PCDH15: variants seen among roughly 807,000 people sequenced by gnomAD.
PCDH15 encodes protocadherin-15.
PCDH15 carries 129 observed loss-of-function variants against 178.5 expected under a neutral mutation model. The ratio of observed to expected loss-of-function variants is 0.72; its 90% CI spans 0.63 to 0.84. The LOEUF is 0.84. PCDH15 is among the 40% of genes least tolerant of loss of function. The pLI, the probability that PCDH15 is intolerant of heterozygous loss-of-function variation, is 0.00. For missense variants in PCDH15, 2,230 were observed against 2,099.9 expected (o/e 1.06, Z -1.21); for synonymous variants, 800 against 732.0 (o/e 1.09, Z -1.50).
intron 1 of PCDH15, among the ~76,000 whole-genome samples, chr10:55,172,075 T>C (rs779348357): frequency 2.0e-5 from 3 of 152,154 alleles, no homozygotes; most frequent in Non-Finnish European, 1.5e-5. Context: ...CTTATCTTTA[T>C]GTAAATCTAG....
chr10:54,537,066 T>C (rs1426906630), intron 2 of PCDH15, among the ~76,000 whole-genome samples: 1 of 141,374 alleles, frequency 7.1e-6, no homozygotes, highest in Non-Finnish European at 1.5e-5. Flanking sequence ...TGGTGCGATC[T>C]CAGCTCACTG....
At chr10:54,322,300 AAAG>A (rs1564962069) in intron 7 of PCDH15, among the ~76,000 whole-genome samples, 5 of 151,918 alleles carry the variant, frequency 3.3e-5, no homozygotes, top group Admixed American at 2.6e-4. Flanking sequence ...TAAAATCCAC[AAAG>A]AAGATCTCCT....
intron 2 of PCDH15, among the ~76,000 whole-genome samples, chr10:54,956,006 T>G (rs2131879316): frequency 6.6e-6 from 1 of 151,572 alleles, no homozygotes; most frequent in Admixed American, 6.6e-5. Context: ...ACTTTGAAAT[T>G]ATTTGAACTT....
intron 15 of PCDH15, among the ~76,000 whole-genome samples, chr10:54,095,246 A>G (rs1441707629): frequency 6.6e-6 from 1 of 152,134 alleles, no homozygotes; most frequent in Non-Finnish European, 1.5e-5. Context: ...GTATACATTC[A>G]TTCCTGGTAT....
chr10:55,513,740 T>C (rs557121020), intron 2 of PCDH15, among the ~76,000 whole-genome samples: 1 of 152,208 alleles, frequency 6.6e-6, no homozygotes, highest in South Asian at 2.1e-4. Flanking sequence ...GAGTATCCTT[T>C]TCATATTTGT....
rs184595632 is a variant in PCDH15, at chr10:55,258,866, G to C, written c.-156+60733C>G. On this transcript the variant is annotated intron_variant, in intron 1 of 5. Transcript: ENST00000458638. ...TACCTTCTTCAACTGTAACCGCAGG[G>C]CCTCTCAAAAAGTATCAAAAAACTG... Among the ~76,000 whole-genome samples the C allele has an allele frequency of 3.8e-4, 58 of 150,884 alleles. No individual in the cohort carries two copies. The Middle Eastern group carries it at 0.01, about 27-fold the overall frequency.
At chr10:54,817,193 T>C (rs1043323216) in intron 3 of PCDH15, among the ~76,000 whole-genome samples, 1 of 152,028 alleles carries the variant, frequency 6.6e-6, no homozygotes, top group Non-Finnish European at 1.5e-5. Context: ...TCTTAGAATG[T>C]ATTGTCATAC....
At chr10:54,158,824 T>C (rs1053387423) in intron 13 of PCDH15, among the ~76,000 whole-genome samples, 6 of 152,176 alleles carry the variant, frequency 3.9e-5, no homozygotes, top group Non-Finnish European at 8.8e-5. Flanking sequence ...AAGTGAATTA[T>C]GGGCCGGAAG....
chr10:53,902,534 T>A (rs959796128), intron 26 of PCDH15, among the ~76,000 whole-genome samples: 1 of 152,162 alleles, frequency 6.6e-6, no homozygotes, highest in Admixed American at 6.6e-5. Context: ...GCATCTAAAC[T>A]TTTTCCTCAG....
At chr10:53,837,933 C>G (rs889079801) in intron 29 of PCDH15, among the ~76,000 whole-genome samples, 1 of 150,538 alleles carries the variant, frequency 6.6e-6, no homozygotes, top group Non-Finnish European at 1.5e-5. Flanking sequence ...GCTATTCTAT[C>G]TTTTCTTCAA....
intron 21 of PCDH15, among the ~76,000 whole-genome samples, chr10:53,970,971 CAG>C (rs1682106653): frequency 6.6e-6 from 1 of 152,058 alleles, no homozygotes; most frequent in South Asian, 2.1e-4. Flanking sequence ...CTAAAGCTGG[CAG>C]AGACACAACA....
At chr10:54,419,189 A>G (rs116526913) in intron 3 of PCDH15, among the ~76,000 whole-genome samples, 2,883 of 151,924 alleles carry the variant, frequency 0.019, 98 homozygotes, top group African/African-American at 0.066. Context: ...TCCTCTGTCA[A>G]AACAATTTAA....
At chr10:53,969,582 G>GA (rs1454192699) in intron 21 of PCDH15, among the ~76,000 whole-genome samples, 3 of 152,136 alleles carry the variant, frequency 2.0e-5, no homozygotes, top group Non-Finnish European at 4.4e-5. Context: ...TGAAATGAAG[G>GA]AAAAAATATT....
chr10:54,224,268 C>T (rs184127557), intron 9 of PCDH15, among the ~76,000 whole-genome samples: 1 of 152,224 alleles, frequency 6.6e-6, no homozygotes, highest in East Asian at 1.9e-4. Context: ...ACAATTATAA[C>T]ATGTAACTTA....
chr10:55,346,188 T>A (rs1844748676), intron 2 of PCDH15, among the ~76,000 whole-genome samples: 1 of 152,102 alleles, frequency 6.6e-6, no homozygotes. Context: ...AGGTAACAAA[T>A]AGTCTTGATC....
chr10:55,401,616 G>GTGTGTGTA (rs1235744402), intron 2 of PCDH15, among the ~76,000 whole-genome samples: 1 of 151,174 alleles, frequency 6.6e-6, no homozygotes, highest in Non-Finnish European at 1.5e-5. Flanking sequence ...GTGTGTGTGT[G>GTGTGTGTA]TGTGTGTGTG....
chr10:55,562,546 G>C (rs1332252616), intron 2 of PCDH15, among the ~76,000 whole-genome samples: 5 of 151,844 alleles, frequency 3.3e-5, no homozygotes, highest in Admixed American at 1.3e-4. Context: ...GAAATGTGTC[G>C]TACATCTATA....
rs56104592 is a variant in PCDH15 at position 55,328,913 on chromosome 10, CATATATATATATATATAT to C, written c.-155-162280_-155-162263del. Among the ~76,000 whole-genome samples the C allele has an allele frequency of 8.9e-4, 99 of 111,332 alleles. 2 individuals carry two copies. The East Asian group carries it at 0.015, about 17-fold the overall frequency. The allele number at this position is 111,332 out of a possible 152,430, so 73.0% of individuals were successfully genotyped here. A position where few individuals can be genotyped will look rare whatever the true frequency, so the allele number is the denominator to read the frequency against. ...AGATGACTGTATATTTTCACACAAACATATATATATATATATATATATATATATATATATATAAAATAT... is the reference window on the plus strand; with the variant it reads ...AGATGACTGTATATTTTCACACAAACATATATATATATATATATAAAATAT... On this transcript the variant is annotated intron_variant, in intron 2 of 5. Coordinates refer to the PCDH15 transcript ENST00000613346.
intron 2 of PCDH15, among the ~76,000 whole-genome samples, chr10:55,614,711 G>C (rs1320666901): frequency 6.6e-6 from 1 of 152,026 alleles, no homozygotes; most frequent in East Asian, 1.9e-4. Flanking sequence ...GTCACTATTT[G>C]GGTATGATCA....
Sources: allele counts gnomAD v4.1 joint callset (sites outside exome capture counted in the v4.1 genomes callset), GRCh38; gene constraint gnomAD v4.1.1; transcripts MANE v1.5; gene names NCBI Gene and HGNC (gene_info 2026-07-23, HGNC 2026-07-21).